The following RBFOX1 variants were observed in gnomAD, a reference collection of about 807,000 sequenced individuals.
The protein encoded by RBFOX1 is RNA binding fox-1 homolog 1, also known as RNA binding protein fox-1 homolog 1.
Under a neutral mutation model 57.7 loss-of-function variants are expected in RBFOX1, and 8 were observed. The ratio of observed to expected loss-of-function variants is 0.14; its 90% CI spans 0.08 to 0.25. RBFOX1 has a LOEUF of 0.25. Ranked by LOEUF, RBFOX1 falls within the 10% of genes least tolerant of loss-of-function variation. The pLI is 1.00. For synonymous variants in RBFOX1, 326 were observed against 222.4 expected (o/e 1.47, Z -4.15); for missense variants, 611 against 548.5 (o/e 1.11, Z -1.14).
chr16:7,442,928 C>G (rs928076137), intron 4 of RBFOX1, among the ~76,000 whole-genome samples: 1 of 152,154 alleles, frequency 6.6e-6, no homozygotes, highest in Non-Finnish European at 1.5e-5. Flanking sequence ...CTGTTCCTGA[C>G]TAATGATCTT....
At chr16:6,694,383 C>G (rs916331596) in intron 3 of RBFOX1, among the ~76,000 whole-genome samples, 7 of 152,132 alleles carry the variant, frequency 4.6e-5, no homozygotes, top group African/African-American at 1.7e-4. Context: ...AGTTCTCATC[C>G]AAATTCCACT....
chr16:6,204,112 G>C (rs148050901), intron 1 of RBFOX1, among the ~76,000 whole-genome samples: 1 of 151,968 alleles, frequency 6.6e-6, no homozygotes, highest in East Asian at 1.9e-4. Flanking sequence ...AGGGTGGGGA[G>C]AACACAGTTA....
intron 3 of RBFOX1, among the ~76,000 whole-genome samples, chr16:6,783,361 T>A (rs915894859): frequency 2.6e-5 from 4 of 151,140 alleles, no homozygotes; most frequent in African/African-American, 9.7e-5. Flanking sequence ...AGCAATTTTC[T>A]GGTAATGTTT....
intron 5 of RBFOX1, among the ~76,000 whole-genome samples, chr16:7,574,043 T>G (rs7184130): frequency 6.6e-6 from 1 of 151,944 alleles, no homozygotes; most frequent in African/African-American, 2.4e-5. Flanking sequence ...TATGCTTTTG[T>G]CATAACGTTC....
At chr16:7,125,832 C>T (rs1488387098) in intron 4 of RBFOX1, among the ~76,000 whole-genome samples, 3 of 152,178 alleles carry the variant, frequency 2.0e-5, no homozygotes, top group Non-Finnish European at 4.4e-5. Context: ...CCTGTAATCC[C>T]AGCACTTTGG....
chr16:7,610,139 T>TTTTTTTTTTTTTTTTTTTG (rs2057174916), intron 10 of RBFOX1, among the ~76,000 whole-genome samples: 4 of 127,614 alleles, frequency 3.1e-5, no homozygotes, highest in African/African-American at 3.1e-5. Flanking sequence ...TTTTTTTTTT[T>TTTTTTTTTTTTTTTTTTTG]GAGGCAGTTT....
rs577557293 is a variant in RBFOX1, at chr16:7,175,838, G to A, written c.27+123740G>A. Among the ~76,000 whole-genome samples, 4 of 152,210 alleles carry A rather than the reference G, an allele frequency of 2.6e-5. No individual in the cohort carries two copies. The South Asian group carries it at 8.3e-4, about 32-fold the overall frequency. On this transcript the variant is annotated intron_variant, in intron 4 of 15. Coordinates refer to ENST00000550418, the MANE Select transcript of RBFOX1 (RefSeq NM_018723.4). ...GCTGGGTTGCAGTAATCTAGGAAAA[G>A]GTCACTCTTTAGAGGAGTTGAAAGG... is the stretch of plus-strand genomic sequence containing the variant.
chr16:6,946,337 G>T (rs1284289244), intron 3 of RBFOX1, among the ~76,000 whole-genome samples: 1 of 152,182 alleles, frequency 6.6e-6, no homozygotes, highest in Non-Finnish European at 1.5e-5. Context: ...ATAGTCAGTG[G>T]GCCAGGTCTG....
chr16:6,844,400 T>C (rs772708675), intron 3 of RBFOX1, among the ~76,000 whole-genome samples: 5 of 152,206 alleles, frequency 3.3e-5, no homozygotes, highest in Non-Finnish European at 5.9e-5. Context: ...CATGTGCCCA[T>C]GTGTTCTCAT....
intron 3 of RBFOX1, among the ~76,000 whole-genome samples, chr16:6,824,025 A>C (rs1482572445): frequency 1.3e-5 from 2 of 152,184 alleles, no homozygotes; most frequent in Non-Finnish European, 1.5e-5. Flanking sequence ...GAAAGTGTAG[A>C]GTTCTCCATT....
intron 4 of RBFOX1, among the ~76,000 whole-genome samples, chr16:7,201,062 T>C (rs948188604): frequency 2.6e-5 from 4 of 152,178 alleles, no homozygotes; most frequent in Admixed American, 2.0e-4. Context: ...ATGAGATCAG[T>C]GTGGGAATCA....
intron 4 of RBFOX1, among the ~76,000 whole-genome samples, chr16:7,411,235 G>A (rs2098421897): frequency 3.0e-5 from 1 of 32,854 alleles, no homozygotes; most frequent in Non-Finnish European, 5.7e-5. Flanking sequence ...CACCACACCT[G>A]GCCAATCAAC....
At chr16:7,026,956 G>T (rs2041142242) in intron 3 of RBFOX1, among the ~76,000 whole-genome samples, 1 of 152,118 alleles carries the variant, frequency 6.6e-6, no homozygotes, top group Non-Finnish European at 1.5e-5. Flanking sequence ...AAGTGCTTGG[G>T]TGCTTTGCCC....
Position 6,505,737 on chromosome 16 carries a change from C to T in RBFOX1, c.-63-148866C>T, listed in dbSNP as rs951203161. Among the ~76,000 whole-genome samples the T allele has an allele frequency of 2.0e-5, 3 of 152,140 alleles. 1 individual carries two copies. The highest frequency in any genetic ancestry group is 4.1e-4 in the South Asian group (2 of 4,826). On this transcript the variant is annotated intron_variant, in intron 2 of 15. Transcript: ENST00000550418. ...TGGTACAGACTAAAAACTCAAGAGT[C>T]TAATGAAGGAGAAATCACATACGTA... is the stretch of plus-strand genomic sequence containing the variant.
intron 4 of RBFOX1, among the ~76,000 whole-genome samples, chr16:5,892,379 G>C (rs565986056): frequency 1.3e-5 from 2 of 152,270 alleles, no homozygotes; most frequent in South Asian, 4.1e-4. Flanking sequence ...TTACTTCCTG[G>C]ATGACCTCTG....
intron 3 of RBFOX1, among the ~76,000 whole-genome samples, chr16:5,858,130 C>G (rs2057119044): frequency 6.6e-6 from 1 of 152,092 alleles, no homozygotes; most frequent in South Asian, 2.1e-4. Flanking sequence ...AAGGCTCCCT[C>G]TTAGGAGCTT....
chr16:6,700,739 T>C (rs962697119), intron 3 of RBFOX1, among the ~76,000 whole-genome samples: 1 of 152,148 alleles, frequency 6.6e-6, no homozygotes, highest in Non-Finnish European at 1.5e-5. Flanking sequence ...AGACAGACTT[T>C]CTTGAAACTC....
intron 3 of RBFOX1, among the ~76,000 whole-genome samples, chr16:6,672,026 A>G (rs553997088): frequency 2.0e-5 from 3 of 152,322 alleles, no homozygotes; most frequent in African/African-American, 7.2e-5. Context: ...ACTGTACCAA[A>G]TGTTTCTGAC....
intron 3 of RBFOX1, among the ~76,000 whole-genome samples, chr16:6,888,097 T>C (rs909878680): frequency 1.3e-5 from 2 of 152,166 alleles, no homozygotes; most frequent in Non-Finnish European, 2.9e-5. Flanking sequence ...TTAATAAGCC[T>C]CATAAGCTTT....
Sources: gnomAD v4.1 joint callset for allele counts (sites outside exome capture counted in the v4.1 genomes callset) on GRCh38, gnomAD v4.1.1 for gene constraint, MANE v1.5 for transcripts, NCBI Gene and HGNC (gene_info 2026-07-23, HGNC 2026-07-21) for gene names.